The following FBXO32 variants were observed in gnomAD, a reference collection of about 807,000 sequenced individuals.
FBXO32 encodes F-box only protein 32.
Under a neutral mutation model 48.3 loss-of-function variants are expected in FBXO32, and 15 were observed. The ratio of observed to expected loss-of-function variants is 0.31; its 90% CI spans 0.21 to 0.48. The LOEUF is 0.48. Among genes scored for constraint, FBXO32 ranks in the 20% least tolerant of loss-of-function variants. FBXO32 has a pLI of 0.99. For synonymous variants in FBXO32, 154 were observed against 165.9 expected, an observed-to-expected ratio of 0.93 and a Z score of 0.55; for missense variants, 309 against 432.7, an observed-to-expected ratio of 0.71 and a Z score of 2.54.
chr8:123,509,606 G>A (rs1816697477), intron 6 of FBXO32, among the ~76,000 whole-genome samples: 1 of 152,066 alleles, frequency 6.6e-6, no homozygotes, highest in African/African-American at 2.4e-5. Context: ...AGGCTGAGGT[G>A]GGAGAATCAT....
rs372976342 is a variant in FBXO32, at chr8:123,540,854, G to A, written c.116+45C>T. 7 of 1,519,374 alleles carry A rather than the reference G, an allele frequency of 4.6e-6. No individual in the cohort carries two copies. The highest frequency in any genetic ancestry group is 6.4e-6 in the Non-Finnish European group (7 of 1,101,524). 94.1% of individuals were successfully genotyped at this position (1,519,374 alleles called of 1,614,324 possible). A position where few individuals can be genotyped will look rare whatever the true frequency, so the allele number is the denominator to read the frequency against. On this transcript the variant is annotated intron_variant, in intron 1 of 8. Transcript: ENST00000517956. This position sits in a 1 kb window ranked among gnomAD's most constrained non-coding sequence, Gnocchi z 6.4. ...GTCCCTGCGCCCCCCAGACCAGCCC[G>A]GGTCAGTTTCGCGGGGGCTGGAAGT... is the stretch of plus-strand genomic sequence containing the variant.
At chr8:123,517,467 TC>T (rs201987020) in intron 4 of FBXO32, among the ~76,000 whole-genome samples, 2 of 135,750 alleles carry the variant, frequency 1.5e-5, no homozygotes, top group African/African-American at 2.6e-5. Flanking sequence ...CAAGGGAAAG[TC>T]CCCCCTACCT....
chr8:123,524,257 T>C (rs958334979), intron 4 of FBXO32, among the ~76,000 whole-genome samples: 2 of 152,168 alleles, frequency 1.3e-5, no homozygotes, highest in Non-Finnish European at 2.9e-5. Context: ...TCTGTGGCCA[T>C]GTCCCCCCGT....
rs182438100 is a variant in FBXO32 at position 123,519,407 on chromosome 8, C to T, written c.373-5074G>A. ...TCTACTAAAAATACAAAAAATTAGC[C>T]GGATGCGGTGGCGGGTGCCTGTAGT... On this transcript the variant is annotated intron_variant, in intron 4 of 8. Transcript: ENST00000517956. Among the ~76,000 whole-genome samples, 384 of 151,836 alleles carry T rather than the reference C, an allele frequency of 2.5e-3. 3 individuals are homozygous for T. Among genetic ancestry groups the T allele is most frequent in the African/African-American group, 8.7e-3 (360 of 41,452 alleles).
rs562900644 is a variant in FBXO32 at position 123,513,145 on chromosome 8, G to C, written c.651+53C>G. 6.4e-7 allele frequency: 1 copy of C among 1,573,838 alleles called. No homozygotes were observed. Among genetic ancestry groups the C allele is most frequent in the East Asian group, 2.2e-5 (1 of 44,612 alleles). ...TTCAAAGTCTTGGCGAGTCTGTCCAGTATCCCTGTGGAGGGACCCACTGCC... is the reference window on the plus strand; with the variant it reads ...TTCAAAGTCTTGGCGAGTCTGTCCACTATCCCTGTGGAGGGACCCACTGCC... On this transcript the variant is annotated intron_variant, in intron 6 of 8. Coordinates refer to ENST00000517956, the MANE Select transcript of FBXO32 (RefSeq NM_058229.4). This position sits in a 1 kb window ranked among gnomAD's most constrained non-coding sequence, Gnocchi z 4.3.
At position 123,514,066 on chromosome 8, in the gene FBXO32, A is replaced by T. The variant is rs918648403; in HGVS notation, c.466+174T>A. On this transcript the variant is annotated intron_variant, in intron 5 of 8. Coordinates refer to ENST00000517956, the MANE Select transcript of FBXO32 (RefSeq NM_058229.4). ...GATGGTCTCACCCTTTGCCATGAGGATGAGTTGTACCCCTTTCCGAACTGG... is the reference window on the plus strand; with the variant it reads ...GATGGTCTCACCCTTTGCCATGAGGTTGAGTTGTACCCCTTTCCGAACTGG... 5.2e-5 allele frequency: 28 copies of T among 541,582 alleles called. No individual in the cohort carries two copies. The East Asian group carries it at 8.2e-4, about 16-fold the overall frequency. The allele number at this position is 541,582 out of a possible 1,614,324, so 33.5% of individuals were successfully genotyped here.
chr8:123,514,388 CTAAT>C (rs1323402803), intron 4 of FBXO32, 55 bp from the exon 5 acceptor site: 1 of 1,409,490 alleles, frequency 7.1e-7, no homozygotes, highest in African/African-American at 1.4e-5. Context: ...TTTTTCTCCT[CTAAT>C]CTTCACTTTT....
At chr8:123,536,068 G>A (rs1427603753) in intron 1 of FBXO32, among the ~76,000 whole-genome samples, 2 of 152,046 alleles carry the variant, frequency 1.3e-5, no homozygotes, top group South Asian at 2.1e-4. Flanking sequence ...GTAGCACTTC[G>A]GTTAGTATAA....
At position 123,525,608 on chromosome 8, in the gene FBXO32, G is replaced by A. The variant is rs78300787; in HGVS notation, c.372+6290C>T. ...ATTTTGCCCTCTAAGCAATGCAGTCGAAAGGAGAGAACACTGGAGCAGGAG... is the reference window on the plus strand; with the variant it reads ...ATTTTGCCCTCTAAGCAATGCAGTCAAAAGGAGAGAACACTGGAGCAGGAG... On this transcript the variant is annotated intron_variant, in intron 4 of 8. Transcript: ENST00000517956. This position sits in a 1 kb window ranked among gnomAD's most constrained non-coding sequence, Gnocchi z 4.3. Among the ~76,000 whole-genome samples the A allele has an allele frequency of 5.3e-5, 8 of 152,312 alleles. No individual in the cohort carries two copies. The highest frequency in any genetic ancestry group is 1.9e-4 in the East Asian group (1 of 5,188).
At chr8:123,520,166 G>C (rs1348389287) in intron 4 of FBXO32, among the ~76,000 whole-genome samples, 1 of 152,208 alleles carries the variant, frequency 6.6e-6, no homozygotes, top group East Asian at 1.9e-4. Context: ...CTGTGTACCA[G>C]GATGACTTAG....
intron 1 of FBXO32, among the ~76,000 whole-genome samples, chr8:123,538,571 A>G (rs1364307974): frequency 6.6e-6 from 1 of 152,200 alleles, no homozygotes; most frequent in Non-Finnish European, 1.5e-5. Flanking sequence ...CAGACCACAG[A>G]AGGCCAACTG....
chr8:123,521,898 GTC>G (rs1364494730), intron 4 of FBXO32, among the ~76,000 whole-genome samples: 1 of 152,094 alleles, frequency 6.6e-6, no homozygotes, highest in African/African-American at 2.4e-5. Flanking sequence ...ACTAGGCAGT[GTC>G]TCTCTCTGCT....
chr8:123,509,604 G>A (rs1326642840), intron 6 of FBXO32, among the ~76,000 whole-genome samples: 1 of 152,148 alleles, frequency 6.6e-6, no homozygotes, highest in East Asian at 1.9e-4. Flanking sequence ...GGAGGCTGAG[G>A]TGGGAGAATC....
At chr8:123,507,441 GTGTGTGTGTGT>G (rs1563919686) in intron 6 of FBXO32, among the ~76,000 whole-genome samples, 32 of 98,092 alleles carry the variant, frequency 3.3e-4, no homozygotes, top group Non-Finnish European at 1.5e-4. Flanking sequence ...GTGCTAGGGT[GTGTGTGTGTGT>G]GTGTGTGTGT....
intron 2 of FBXO32, among the ~76,000 whole-genome samples, chr8:123,534,316 G>A (rs182303048): frequency 1.3e-5 from 2 of 152,230 alleles, no homozygotes; most frequent in East Asian, 3.9e-4. Flanking sequence ...ATCTAGAAAT[G>A]TTAATAAGAT....
chr8:123,540,807 C>T lies in FBXO32; in HGVS notation c.116+92G>A. 9.1e-7 allele frequency: 1 copy of T among 1,101,520 alleles called. No individual in the cohort carries two copies. The highest frequency in any genetic ancestry group is 1.3e-6 in the Non-Finnish European group (1 of 748,732). The allele number at this position is 1,101,520 out of a possible 1,614,324, so 68.2% of individuals were successfully genotyped here. On this transcript the variant is annotated intron_variant, in intron 1 of 8. Transcript: ENST00000517956. The surrounding 1 kb of genome is among the most constrained non-coding windows in gnomAD (Gnocchi z 6.4). Reference sequence around the variant, plus strand: ...GGTCTCCCTCCTCAGCCCGCTCCAGCCCTGCCTGCCCCTCATTCGCCGTCC... The same window carrying T: ...GGTCTCCCTCCTCAGCCCGCTCCAGTCCTGCCTGCCCCTCATTCGCCGTCC...
At position 123,500,085 on chromosome 8, in the gene FBXO32, T is replaced by G; in HGVS notation, c.*3288A>C. 6.6e-6 allele frequency: 1 copy of G among 152,266 alleles called. No individual in the cohort carries two copies. Among genetic ancestry groups the G allele is most frequent in the East Asian group, 1.9e-4 (1 of 5,208 alleles). 9.4% of individuals were successfully genotyped at this position (152,266 alleles called of 1,614,324 possible). A position where few individuals can be genotyped will look rare whatever the true frequency, so the allele number is the denominator to read the frequency against. ...TGCCCTCCCATTCAACTGATTTGTC[T>G]GCTCAAAGTAACAGCATTGAGTGAT... On this transcript the variant is annotated 3_prime_UTR_variant, in exon 9 of 9. Transcript: ENST00000517956.
intron 1 of FBXO32, among the ~76,000 whole-genome samples, chr8:123,539,706 C>A (rs73332004): frequency 2.5e-4 from 38 of 152,314 alleles, no homozygotes; most frequent in African/African-American, 8.9e-4. Context: ...ACCACATTTT[C>A]TTGATAGTTT....
Position 123,501,605 on chromosome 8 carries a change from C to T in FBXO32, c.*1768G>A, listed in dbSNP as rs2130490445. 1 of 152,258 alleles carries T rather than the reference C, an allele frequency of 6.6e-6. No individual in the cohort carries two copies. The highest frequency in any genetic ancestry group is 1.9e-4 in the East Asian group (1 of 5,180). 9.4% of individuals were successfully genotyped at this position (152,258 alleles called of 1,614,324 possible). A position where few individuals can be genotyped will look rare whatever the true frequency, so the allele number is the denominator to read the frequency against. On this transcript the variant is annotated 3_prime_UTR_variant, in exon 9 of 9. Transcript: ENST00000517956. The stretch of plus-strand genomic sequence containing the variant: ...AGGAGCACTAAACAGTAGGTTCCTT[C>T]TCTTCAGAAAGCTGATATGTGGGTT...
Sources: gnomAD v4.1 joint callset for allele counts (sites outside exome capture counted in the v4.1 genomes callset) on GRCh38, gnomAD v4.1.1 for gene constraint, Gnocchi (gnomAD v3.1) non-coding constraint, MANE v1.5 for transcripts, NCBI Gene and HGNC (gene_info 2026-07-23, HGNC 2026-07-21) for gene names.